LIN28B: variants seen among roughly 807,000 people sequenced by gnomAD.
The protein encoded by LIN28B is protein lin-28 homolog B.
Under a neutral mutation model 21.9 loss-of-function variants are expected in LIN28B, and 5 were observed. That is an observed-to-expected ratio of 0.23 (90% confidence interval 0.12 to 0.48). LIN28B has a LOEUF of 0.48. LIN28B is among the 20% of genes least tolerant of loss of function. LIN28B has a pLI of 0.98. For synonymous variants in LIN28B, 109 were observed against 111.3 expected, an observed-to-expected ratio of 0.98 and a Z score of 0.13; for missense variants, 245 against 310.5, an observed-to-expected ratio of 0.79 and a Z score of 1.58.
chr6:104,957,365 C>G lies in LIN28B; in HGVS notation c.10+105C>G, dbSNP rs1198904098. On this transcript the variant is annotated intron_variant, in intron 1 of 3. Transcript: ENST00000345080. Reference sequence around the variant, plus strand: ...GACCGTCCCCCCCTTCCCCTTTTACCCCAATACTGGGCATTACCTCCCAAC... The same window carrying G: ...GACCGTCCCCCCCTTCCCCTTTTACGCCAATACTGGGCATTACCTCCCAAC... 5.1e-5 allele frequency: 32 copies of G among 627,666 alleles called. 1 individual carries two copies. The East Asian group carries it at 1.1e-3, about 21-fold the overall frequency. 38.9% of individuals were successfully genotyped at this position (627,666 alleles called of 1,614,324 possible).
At chr6:104,953,964 T>A (rs138866958), upstream of LIN28B, among the ~76,000 whole-genome samples, 14 of 152,286 alleles carry the variant, frequency 9.2e-5, no homozygotes, top group East Asian at 2.7e-3. Context: ...CTTGTACTGT[T>A]GGAAAAAAAG....
At chr6:104,950,741 C>T (rs981758194) in intron 3 of LIN28B, among the ~76,000 whole-genome samples, 1 of 151,802 alleles carries the variant, frequency 6.6e-6, no homozygotes. Flanking sequence ...TTTCCCCCCA[C>T]CCCCACTTTT....
chr6:104,978,063 C>T (rs1562079161), intron 2 of LIN28B, among the ~76,000 whole-genome samples: 1 of 152,198 alleles, frequency 6.6e-6, no homozygotes, highest in Non-Finnish European at 1.5e-5. Context: ...AACCTATATT[C>T]CATCCCCTTC....
intron 3 of LIN28B, among the ~76,000 whole-genome samples, chr6:105,063,288 T>G (rs1304395787): frequency 6.6e-6 from 1 of 152,178 alleles, no homozygotes; most frequent in African/African-American, 2.4e-5. Flanking sequence ...AATGAAAATT[T>G]CTGAATTCTC....
intron 3 of LIN28B, among the ~76,000 whole-genome samples, chr6:105,045,079 G>A (rs1771721390): frequency 6.6e-6 from 1 of 152,068 alleles, no homozygotes; most frequent in Non-Finnish European, 1.5e-5. Flanking sequence ...GTTAGGAGCA[G>A]TAATAGAAGA....
At chr6:104,963,273 C>T (rs562004786) in intron 2 of LIN28B, among the ~76,000 whole-genome samples, 1 of 152,270 alleles carries the variant, frequency 6.6e-6, no homozygotes, top group Non-Finnish European at 1.5e-5. Context: ...CTCTCGATCT[C>T]CTGACCTCAT....
At chr6:104,965,066 G>A (rs1014585501) in intron 2 of LIN28B, among the ~76,000 whole-genome samples, 3 of 152,132 alleles carry the variant, frequency 2.0e-5, no homozygotes. Context: ...TAATGGATAA[G>A]TTATTTTCAG....
At chr6:105,046,034 T>C (rs539952420) in intron 3 of LIN28B, among the ~76,000 whole-genome samples, 2 of 152,348 alleles carry the variant, frequency 1.3e-5, no homozygotes, top group African/African-American at 4.8e-5. Context: ...TTTATTATTA[T>C]ACTTTAAGTT....
At chr6:104,960,347 C>T (rs1334436806) in intron 2 of LIN28B, among the ~76,000 whole-genome samples, 1 of 152,042 alleles carries the variant, frequency 6.6e-6, no homozygotes, top group African/African-American at 2.4e-5. Context: ...GTGTGCATCA[C>T]TTATGGAATA....
chr6:104,991,483 C>T (rs189976303), intron 2 of LIN28B, among the ~76,000 whole-genome samples: 6,769 of 151,762 alleles, frequency 0.045, 213 homozygotes, highest in East Asian at 0.14. Context: ...CTCCTCACTT[C>T]CTAGACGGGA....
chr6:104,997,917 A>T (rs1416461789), intron 2 of LIN28B, among the ~76,000 whole-genome samples: 1 of 152,132 alleles, frequency 6.6e-6, no homozygotes, highest in Non-Finnish European at 1.5e-5. Flanking sequence ...CTTCTTCTAC[A>T]TGCTTTTGAA....
chr6:105,046,378 G>C (rs1771762579), intron 3 of LIN28B, among the ~76,000 whole-genome samples: 1 of 152,130 alleles, frequency 6.6e-6, no homozygotes, highest in Admixed American at 6.5e-5. Flanking sequence ...AGTATTCCAT[G>C]GTGTATATGT....
At chr6:104,990,575 T>A (rs558242692) in intron 2 of LIN28B, among the ~76,000 whole-genome samples, 4,998 of 151,736 alleles carry the variant, frequency 0.033, 284 homozygotes, top group African/African-American at 0.11. Context: ...TTTTATTTTT[T>A]TTTTTTTATT....
chr6:105,056,285 T>G (rs1772023082), intron 3 of LIN28B, among the ~76,000 whole-genome samples: 1 of 151,588 alleles, frequency 6.6e-6, no homozygotes, highest in Non-Finnish European at 1.5e-5. Flanking sequence ...TGTAGAATAT[T>G]GGGCTGATAG....
intron 2 of LIN28B, among the ~76,000 whole-genome samples, chr6:105,018,292 A>T (rs1187189735): frequency 6.6e-6 from 1 of 152,212 alleles, no homozygotes; most frequent in Non-Finnish European, 1.5e-5. Context: ...ACTCTTAAAA[A>T]AAAATAAAAT....
intron 2 of LIN28B, among the ~76,000 whole-genome samples, chr6:104,964,338 T>C (rs1769813417): frequency 6.6e-6 from 1 of 152,228 alleles, no homozygotes; most frequent in South Asian, 2.1e-4. Context: ...TGATGTACTA[T>C]ATTCTTACTT....
At chr6:104,944,293 C>T (rs1582855262) in intron 2 of LIN28B, among the ~76,000 whole-genome samples, 1 of 152,028 alleles carries the variant, frequency 6.6e-6, no homozygotes, top group East Asian at 1.9e-4. Flanking sequence ...TTGAAAGCTG[C>T]CACTTGCAGA....
chr6:105,006,132 C>G (rs375571510), intron 2 of LIN28B, among the ~76,000 whole-genome samples: 2 of 152,204 alleles, frequency 1.3e-5, no homozygotes, highest in South Asian at 4.1e-4. Flanking sequence ...GAAGAGTGAC[C>G]TAGCTTTTTG....
intron 2 of LIN28B, among the ~76,000 whole-genome samples, chr6:104,967,661 T>A (rs1311229166): frequency 6.7e-6 from 1 of 148,750 alleles, no homozygotes; most frequent in Non-Finnish European, 1.5e-5. Context: ...ATTTTTAAAA[T>A]TTTTATTTAA....
Sources: allele counts gnomAD v4.1 joint callset (sites outside exome capture counted in the v4.1 genomes callset), GRCh38; gene constraint gnomAD v4.1.1; transcripts MANE v1.5; gene names NCBI Gene and HGNC (gene_info 2026-07-23, HGNC 2026-07-21).